Variants in PALM2AKAP2 observed in about 807,000 individuals in gnomAD.
The protein encoded by PALM2AKAP2 is PALM2 and AKAP2 fusion, also known as PALM2-AKAP2 fusion protein.
In PALM2AKAP2, 37 loss-of-function variants were observed where a neutral mutation model predicts 71.5. The observed-to-expected ratio is 0.52, with a 90% CI of 0.40 to 0.68. The LOEUF (loss-of-function observed/expected upper bound fraction) is 0.68, where lower values mean the gene tolerates loss of function less well. Among genes scored for constraint, PALM2AKAP2 ranks in the 30% least tolerant of loss-of-function variants. PALM2AKAP2 has a pLI of 0.00. For synonymous variants in PALM2AKAP2, 468 were observed against 478.8 expected, an observed-to-expected ratio of 0.98 and a Z score of 0.29; for missense variants, 1,224 against 1,191.8, an observed-to-expected ratio of 1.03 and a Z score of -0.40.
intron 6 of PALM2AKAP2, chr9:109,943,552 G>A (rs1323778235): frequency 7.6e-7 from 1 of 1,315,724 alleles, no homozygotes. Flanking sequence ...CAGTTGAATT[G>A]CTTTGATCTC....
chr9:109,982,342 T>C (rs1410693855), intron 6 of PALM2AKAP2, among the ~76,000 whole-genome samples: 1 of 152,112 alleles, frequency 6.6e-6, no homozygotes, highest in Admixed American at 6.6e-5. Context: ...GGTTAATAAG[T>C]ACAAAAATAT....
intron 5 of PALM2AKAP2, among the ~76,000 whole-genome samples, chr9:109,928,227 C>G (rs1371633365): frequency 6.6e-6 from 1 of 152,252 alleles, no homozygotes; most frequent in African/African-American, 2.4e-5. Flanking sequence ...CTCAGCCCCC[C>G]GAATAGCTGG....
At chr9:109,755,242 A>C (rs1828942002) in intron 1 of PALM2AKAP2, among the ~76,000 whole-genome samples, 1 of 152,054 alleles carries the variant, frequency 6.6e-6, no homozygotes, top group African/African-American at 2.4e-5. Context: ...CTTCTCATTC[A>C]ACTGAAATCC....
chr9:109,715,747 A>C (rs1006243568), intron 1 of PALM2AKAP2, among the ~76,000 whole-genome samples: 8 of 152,118 alleles, frequency 5.3e-5, no homozygotes, highest in Admixed American at 6.5e-5. Context: ...GTACTTAAAC[A>C]CTCATTGTAG....
At chr9:109,704,806 A>G (rs1828116682) in intron 1 of PALM2AKAP2, among the ~76,000 whole-genome samples, 1 of 152,086 alleles carries the variant, frequency 6.6e-6, no homozygotes, top group African/African-American at 2.4e-5. Context: ...ATTCACTTCA[A>G]CTTGGCTCTC....
chr9:110,019,094 C>G (rs963141439), intron 7 of PALM2AKAP2, among the ~76,000 whole-genome samples: 2 of 151,824 alleles, frequency 1.3e-5, no homozygotes, highest in African/African-American at 4.8e-5. Flanking sequence ...CAAAAATTAG[C>G]CGGGTGTGAT....
intron 1 of PALM2AKAP2, among the ~76,000 whole-genome samples, chr9:109,742,577 T>C (rs1269329144): frequency 6.6e-6 from 1 of 152,246 alleles, no homozygotes; most frequent in African/African-American, 2.4e-5. Flanking sequence ...GTCTGTGTTC[T>C]ATATGGCTCC....
In PALM2AKAP2 at chr9:110,049,986, A is replaced by C. The variant is rs149373004; in HGVS notation, c.156+1131A>C. On this transcript the variant is annotated intron_variant, in intron 1 of 3. Coordinates refer to ENST00000374525, the Ensembl canonical transcript of PALM2AKAP2. The stretch of plus-strand genomic sequence containing the variant: ...TAGAGAGATGGTGGATTCCCTTTCC[A>C]GACCCAGGAAAGCCCGTTTCCCGTG... Among the ~76,000 whole-genome samples the C allele has an allele frequency of 1.4e-3, 206 of 152,362 alleles. 1 individual carries two copies. The highest frequency in any genetic ancestry group is 4.8e-3 in the African/African-American group (201 of 41,580).
At chr9:110,157,268 C>T (rs1227529232) in intron 3 of PALM2AKAP2, among the ~76,000 whole-genome samples, 2 of 131,428 alleles carry the variant, frequency 1.5e-5, no homozygotes, top group Admixed American at 1.7e-4. Flanking sequence ...ATCACCTCCT[C>T]CCCTGACTGC....
At chr9:109,733,654 C>A (rs1471422748) in intron 1 of PALM2AKAP2, among the ~76,000 whole-genome samples, 1 of 152,170 alleles carries the variant, frequency 6.6e-6, no homozygotes, top group Non-Finnish European at 1.5e-5. Context: ...TGGCCTATGG[C>A]TTTTATCTCC....
At chr9:109,849,474 G>A (rs146021519) in intron 1 of PALM2AKAP2, among the ~76,000 whole-genome samples, 7 of 152,300 alleles carry the variant, frequency 4.6e-5, no homozygotes, top group East Asian at 1.9e-4. Flanking sequence ...AGGGCTGGGC[G>A]CGGTAGCTCA....
intron 1 of PALM2AKAP2, among the ~76,000 whole-genome samples, chr9:109,732,567 A>G (rs1204860573): frequency 1.3e-5 from 2 of 152,208 alleles, no homozygotes; most frequent in Non-Finnish European, 2.9e-5. Context: ...AATTGTTTCC[A>G]CTCATTCATT....
At chr9:109,688,415 G>T (rs935271637) in intron 1 of PALM2AKAP2, among the ~76,000 whole-genome samples, 6 of 152,230 alleles carry the variant, frequency 3.9e-5, no homozygotes, top group African/African-American at 1.4e-4. Context: ...CCCATAGGGT[G>T]GCATTCAGAG....
At chr9:109,773,753 T>C (rs1039317448) in intron 1 of PALM2AKAP2, among the ~76,000 whole-genome samples, 1 of 134,996 alleles carries the variant, frequency 7.4e-6, no homozygotes, top group Non-Finnish European at 1.6e-5. Context: ...CTTTGTCTTA[T>C]GTTCATTCCA....
intron 1 of PALM2AKAP2, among the ~76,000 whole-genome samples, chr9:110,065,376 G>A (rs572193966): frequency 1.2e-3 from 179 of 152,214 alleles, no homozygotes; most frequent in Non-Finnish European, 1.9e-3. Context: ...CCACAGGTGT[G>A]CACCACAATG....
At chr9:110,134,375 T>G (rs567358519) in intron 1 of PALM2AKAP2, among the ~76,000 whole-genome samples, 1 of 152,324 alleles carries the variant, frequency 6.6e-6, no homozygotes, top group South Asian at 2.1e-4. Context: ...TTAATTGTGT[T>G]AAGTATCACT....
intron 1 of PALM2AKAP2, among the ~76,000 whole-genome samples, chr9:109,837,635 T>C (rs1446026194): frequency 2.6e-5 from 4 of 152,024 alleles, no homozygotes; most frequent in African/African-American, 9.7e-5. Flanking sequence ...AGGAGACCCA[T>C]CTCATATGCA....
At chr9:110,125,624 G>A (rs1388925147) in intron 1 of PALM2AKAP2, 10 of 980,924 alleles carry the variant, frequency 1.0e-5, no homozygotes, top group East Asian at 1.1e-4. Context: ...ACTTATCTTC[G>A]TGTCCTTTTC....
intron 2 of PALM2AKAP2, among the ~76,000 whole-genome samples, chr9:110,155,288 T>C (rs955687872): frequency 6.6e-6 from 1 of 152,228 alleles, no homozygotes; most frequent in African/African-American, 2.4e-5. Flanking sequence ...CCATTTATCT[T>C]GTGTGTTTTA....
Sources: gnomAD v4.1 joint callset for allele counts (sites outside exome capture counted in the v4.1 genomes callset) on GRCh38, gnomAD v4.1.1 for gene constraint, MANE v1.5 for transcripts, NCBI Gene and HGNC (gene_info 2026-07-23, HGNC 2026-07-21) for gene names.